The following FTCDNL1 variants were observed in gnomAD, a reference collection of about 807,000 sequenced individuals.
The protein encoded by FTCDNL1 is formiminotransferase N-terminal subdomain-containing protein.
FTCDNL1 carries 11 observed loss-of-function variants against 5.9 expected under a neutral mutation model. The ratio of observed to expected loss-of-function variants is 1.87; its 90% CI spans 1.18 to 3.10. FTCDNL1 has a LOEUF of 3.10. Ranked by LOEUF, FTCDNL1 falls within the 30% of genes most tolerant of loss-of-function variation. FTCDNL1 has a pLI of 0.00. For missense variants in FTCDNL1, 115 were observed against 65.5 expected, an observed-to-expected ratio of 1.76 and a Z score of -2.61; for synonymous variants, 58 against 24.8, an observed-to-expected ratio of 2.34 and a Z score of -3.99.
At chr2:199,846,518 C>A (rs2076737476) in intron 2 of FTCDNL1, among the ~76,000 whole-genome samples, 1 of 152,192 alleles carries the variant, frequency 6.6e-6, no homozygotes, top group Non-Finnish European at 1.5e-5. Flanking sequence ...TGTTCCTTAT[C>A]AATCTCATCA....
Position 199,766,121 on chromosome 2 carries a change from C to A in FTCDNL1, c.212-5286G>T, listed in dbSNP as rs908521549. Among the ~76,000 whole-genome samples the A allele has an allele frequency of 7.9e-5, 12 of 152,312 alleles. No homozygotes were observed. The East Asian group carries it at 2.3e-3, about 29-fold the overall frequency. On this transcript the variant is annotated intron_variant, in intron 3 of 3. Coordinates refer to the FTCDNL1 transcript ENST00000416668. ...CCTGGGCAGGCCAGTGTGAAAACCT[C>A]CTTAAAATGTCAAGCTGGAAGTGCT...
the FTCDNL1 span, among the ~76,000 whole-genome samples, chr2:199,673,898 C>T: frequency 3.3e-5 from 5 of 152,066 alleles, no homozygotes; most frequent in African/African-American, 9.7e-5. Context: ...AAAACATAAG[C>T]TTAGGATCCC....
chr2:199,831,763 G>C (rs908134665), intron 3 of FTCDNL1, among the ~76,000 whole-genome samples: 1 of 152,224 alleles, frequency 6.6e-6, no homozygotes, highest in African/African-American at 2.4e-5. Flanking sequence ...TGTAGTACTC[G>C]AAATTTTGAA....
intron 4 of FTCDNL1, 68 bp from the exon 5 acceptor site, chr2:199,812,792 C>G (rs761780184): frequency 4.5e-6 from 3 of 668,608 alleles, no homozygotes; most frequent in Non-Finnish European, 5.4e-6. Flanking sequence ...AAAAATTTAT[C>G]ATTCTAAATA....
At chr2:199,760,896 C>T (rs566616374) in intron 3 of FTCDNL1, 3 of 701,638 alleles carry the variant, frequency 4.3e-6, no homozygotes, top group African/African-American at 3.5e-5. Context: ...AGGCCTTACC[C>T]CTCTCCACTC....
chr2:199,801,051 G>A (rs527559766), intron 3 of FTCDNL1, among the ~76,000 whole-genome samples: 6 of 152,248 alleles, frequency 3.9e-5, no homozygotes, highest in African/African-American at 1.2e-4. Context: ...TTTGATCCTC[G>A]TTTTTCCTCC....
the FTCDNL1 span, among the ~76,000 whole-genome samples, chr2:199,693,241 G>T: frequency 1.3e-5 from 2 of 152,196 alleles, no homozygotes; most frequent in African/African-American, 4.8e-5. Flanking sequence ...ATCTGCCAAT[G>T]ATTATGACGT....
rs998898006 is a variant in FTCDNL1, at chr2:199,819,561, A to G, written c.397+11T>C. On this transcript the variant is annotated intron_variant, in intron 4 of 4. Transcript: ENST00000420128. The stretch of plus-strand genomic sequence containing the variant: ...AAAAAAACAGAGCAAAGCAAAAACC[A>G]TGCTCAGAACCTGTTAAACCACATC... The G allele has an allele frequency of 1.7e-5, 12 of 699,332 alleles. No individual in the cohort carries two copies. The highest frequency in any genetic ancestry group is 2.3e-5 in the Non-Finnish European group (9 of 384,106). The allele number at this position is 699,332 out of a possible 1,614,324, so 43.3% of individuals were successfully genotyped here. A position where few individuals can be genotyped will look rare whatever the true frequency, so the allele number is the denominator to read the frequency against.
chr2:199,729,738 T>C, the FTCDNL1 span, among the ~76,000 whole-genome samples: 15 of 152,174 alleles, frequency 9.9e-5, no homozygotes, highest in Admixed American at 2.0e-4. Flanking sequence ...TCCATGCTCA[T>C]GGATAGGAAG....
the FTCDNL1 span, among the ~76,000 whole-genome samples, chr2:199,732,419 A>T: frequency 6.6e-6 from 1 of 152,362 alleles, no homozygotes; most frequent in East Asian, 1.9e-4. Flanking sequence ...GCATTGTACT[A>T]AATTCTAGAA....
chr2:199,737,301 C>CA, the FTCDNL1 span, among the ~76,000 whole-genome samples: 628 of 152,224 alleles, frequency 4.1e-3, 1 homozygote, highest in African/African-American at 0.014. Flanking sequence ...ACTTAATAAA[C>CA]AATGAATGTT....
chr2:199,730,125 T>C, the FTCDNL1 span, among the ~76,000 whole-genome samples: 18 of 152,200 alleles, frequency 1.2e-4, no homozygotes, highest in Non-Finnish European at 2.5e-4. Flanking sequence ...TAATAAATGG[T>C]GCTGGGAAAA....
chr2:199,700,606 A>G, the FTCDNL1 span, among the ~76,000 whole-genome samples: 1 of 152,240 alleles, frequency 6.6e-6, no homozygotes, highest in African/African-American at 2.4e-5. Flanking sequence ...AAGCAAAAAG[A>G]ACAAAACCAG....
At chr2:199,707,627 G>A in the FTCDNL1 span, among the ~76,000 whole-genome samples, 11 of 150,372 alleles carry the variant, frequency 7.3e-5, no homozygotes, top group East Asian at 2.0e-4. Context: ...AACGTATCTC[G>A]TAGAGCAGGT....
At chr2:199,744,911 C>CCGTTCCT in the FTCDNL1 span, among the ~76,000 whole-genome samples, 1 of 152,348 alleles carries the variant, frequency 6.6e-6, no homozygotes, top group East Asian at 1.9e-4. Flanking sequence ...GGGAAAACGC[C>CCGTTCCT]CGTTCCTCGC....
chr2:199,741,602 C>T, the FTCDNL1 span, among the ~76,000 whole-genome samples: 4 of 152,154 alleles, frequency 2.6e-5, no homozygotes, highest in Non-Finnish European at 5.9e-5. Flanking sequence ...TTCTCTAGCT[C>T]ATCTCCACTT....
chr2:199,808,749 T>C (rs960561874), downstream of FTCDNL1, among the ~76,000 whole-genome samples: 2 of 152,258 alleles, frequency 1.3e-5, no homozygotes, highest in Non-Finnish European at 2.9e-5. Flanking sequence ...AGCTCTAGAA[T>C]AGACCTAGAA....
chr2:199,696,741 C>T, the FTCDNL1 span, among the ~76,000 whole-genome samples: 1 of 152,126 alleles, frequency 6.6e-6, no homozygotes, highest in Non-Finnish European at 1.5e-5. Context: ...ACTCAAAAAG[C>T]CAGAGTGCCT....
the FTCDNL1 span, among the ~76,000 whole-genome samples, chr2:199,687,333 T>G: frequency 2.6e-5 from 4 of 152,154 alleles, no homozygotes; most frequent in Non-Finnish European, 4.4e-5. Context: ...CAGCTAAATG[T>G]TTAGACATGA....
Sources: allele counts gnomAD v4.1 joint callset (sites outside exome capture counted in the v4.1 genomes callset), GRCh38; gene constraint gnomAD v4.1.1; transcripts MANE v1.5; gene names NCBI Gene and HGNC (gene_info 2026-07-23, HGNC 2026-07-21).